MYO10: variants seen among roughly 807,000 people sequenced by gnomAD.
The protein encoded by MYO10 is myosin X.
MYO10 carries 133 observed loss-of-function variants against 257.3 expected under a neutral mutation model. That is an observed-to-expected ratio of 0.52 (90% CI 0.45 to 0.60). The LOEUF (loss-of-function observed/expected upper bound fraction) is 0.60, where lower values mean the gene tolerates loss of function less well. Ranked by LOEUF, MYO10 falls within the 20% of genes least tolerant of loss-of-function variation. MYO10 has a pLI of 0.00. For synonymous variants in MYO10, 1,104 were observed against 1,028.6 expected (o/e 1.07, Z -1.40); for missense variants, 2,399 against 2,635.7 (o/e 0.91, Z 1.97).
At chr5:16,740,925 C>A (rs899399763) in intron 19 of MYO10, among the ~76,000 whole-genome samples, 80 of 151,150 alleles carry the variant, frequency 5.3e-4, no homozygotes, top group African/African-American at 1.7e-3. Flanking sequence ...TTGGTTTTCG[C>A]TTAGCACCAG....
intron 4 of MYO10, among the ~76,000 whole-genome samples, chr5:16,792,058 G>A (rs1741774061): frequency 6.6e-6 from 1 of 151,424 alleles, no homozygotes; most frequent in African/African-American, 2.4e-5. Flanking sequence ...TAGGTAACGA[G>A]AAGACAGTAC....
chr5:16,714,225 C>A (rs1476386610), intron 19 of MYO10, among the ~76,000 whole-genome samples: 2 of 151,384 alleles, frequency 1.3e-5, no homozygotes, highest in Non-Finnish European at 2.9e-5. Context: ...ACTGAGGGGG[C>A]ATGGGAAGTG....
intron 21 of MYO10, among the ~76,000 whole-genome samples, chr5:16,705,127 A>C (rs1290099648): frequency 6.6e-6 from 1 of 152,238 alleles, no homozygotes; most frequent in Non-Finnish European, 1.5e-5. Flanking sequence ...GAAGCCAAGA[A>C]ATTTCTAAAA....
intron 2 of MYO10, among the ~76,000 whole-genome samples, chr5:16,819,062 A>G (rs967655679): frequency 1.3e-5 from 2 of 152,180 alleles, no homozygotes; most frequent in African/African-American, 4.8e-5. Flanking sequence ...AATAGTCTAT[A>G]TATCTTTTCA....
At chr5:16,684,306 G>C (rs748826633) in intron 29 of MYO10, among the ~76,000 whole-genome samples, 4 of 152,144 alleles carry the variant, frequency 2.6e-5, no homozygotes, top group Non-Finnish European at 4.4e-5. Context: ...GCAATGGTGT[G>C]ATCTCAGCTC....
intron 19 of MYO10, among the ~76,000 whole-genome samples, chr5:16,751,751 G>GT (rs1740383446): frequency 6.6e-6 from 1 of 151,490 alleles, no homozygotes; most frequent in African/African-American, 2.4e-5. Flanking sequence ...GATTACAGGC[G>GT]TGAGCCACCG....
intron 34 of MYO10, 113 bp downstream of exon 34, chr5:16,675,918 A>G: frequency 7.8e-7 from 1 of 1,285,244 alleles, no homozygotes; most frequent in Non-Finnish European, 1.1e-6. Flanking sequence ...CCAATTCACG[A>G]CGAATAAGAG....
At chr5:16,681,815 T>C (rs1020914797) in intron 31 of MYO10, 56 bp downstream of exon 31, 17 of 1,567,428 alleles carry the variant, frequency 1.1e-5, no homozygotes, top group Admixed American at 1.9e-5. Flanking sequence ...GATGTCTATA[T>C]GCAAATGGAA....
chr5:16,758,302 T>A lies in MYO10; in HGVS notation c.1740-76A>T, dbSNP rs1202368268. 17 of 1,009,280 alleles carry A rather than the reference T, an allele frequency of 1.7e-5. No homozygotes were observed. In the East Asian group the frequency reaches 3.6e-4, roughly 21 times the overall value. The allele number at this position is 1,009,280 out of a possible 1,614,324, so 62.5% of individuals were successfully genotyped here. On this transcript the variant is annotated intron_variant, in intron 17 of 40. Transcript: ENST00000513610. ...GGTGCAAGATTATTGTAATTAATGG[T>A]GCCCTTTCTCAATGATAATTCAAAG...
rs1737872155 is a variant in MYO10, at chr5:16,698,622, A to ATTTTTTT, written c.3556+827_3556+828insAAAAAAA. Among the ~76,000 whole-genome samples, 6 of 91,776 alleles carry ATTTTTTT rather than the reference A, an allele frequency of 6.5e-5. 1 individual carries two copies. Among genetic ancestry groups the ATTTTTTT allele is most frequent in the African/African-American group, 1.6e-4 (3 of 18,524 alleles). The allele number at this position is 91,776 out of a possible 152,430, so 60.2% of individuals were successfully genotyped here. Reference sequence around the variant, plus strand: ...ATATCCCTGGCAGGAGAGAACATGCAGTTTTTTTTTTTTTTTTTTGAGACA... The same window carrying ATTTTTTT: ...ATATCCCTGGCAGGAGAGAACATGCATTTTTTTGTTTTTTTTTTTTTTTTTTGAGACA... On this transcript the variant is annotated intron_variant, in intron 26 of 40. Coordinates refer to ENST00000513610, the MANE Select transcript of MYO10 (RefSeq NM_012334.3).
Position 16,681,638 on chromosome 5 carries a change from C to G in MYO10, c.4190-135G>C. 5.5e-6 allele frequency: 6 copies of G among 1,095,160 alleles called. No individual in the cohort carries two copies. In the South Asian group the frequency reaches 9.6e-5, roughly 18 times the overall value. The allele number at this position is 1,095,160 out of a possible 1,614,324, so 67.8% of individuals were successfully genotyped here. A position where few individuals can be genotyped will look rare whatever the true frequency, so the allele number is the denominator to read the frequency against. Reference sequence around the variant, plus strand: ...AGAAAAAGACCACGAACACCCCAACCCGATGTAAATGGAACGACTACATGA... The same window carrying G: ...AGAAAAAGACCACGAACACCCCAACGCGATGTAAATGGAACGACTACATGA... On this transcript the variant is annotated intron_variant, in intron 31 of 40. Transcript: ENST00000513610.
chr5:16,731,986 G>A (rs1346148284), intron 19 of MYO10, among the ~76,000 whole-genome samples: 1 of 152,158 alleles, frequency 6.6e-6, no homozygotes, highest in South Asian at 2.1e-4. Flanking sequence ...TTCTGAAGGG[G>A]GTTCATGGAG....
At chr5:16,782,102 G>A (rs950480925) in intron 5 of MYO10, among the ~76,000 whole-genome samples, 5 of 152,158 alleles carry the variant, frequency 3.3e-5, no homozygotes, top group Admixed American at 2.6e-4. Context: ...GCACCAGTGA[G>A]TGTGGCCTTA....
At chr5:16,877,465 A>C in intron 2 of MYO10, 144 bp downstream of exon 2, 1 of 632,680 alleles carries the variant, frequency 1.6e-6, no homozygotes, top group Non-Finnish European at 2.8e-6. Context: ...TACATTCTAC[A>C]TTCCCACTGG....
Position 16,679,865 on chromosome 5 carries a change from C to T in MYO10, c.4542+82G>A. ...TGATTACAGAAAAAAAACTGAGCTTCACTAATGCTGAGGTCTTGGTGCTCT... is the reference window on the plus strand; with the variant it reads ...TGATTACAGAAAAAAAACTGAGCTTTACTAATGCTGAGGTCTTGGTGCTCT... On this transcript the variant is annotated intron_variant, in intron 33 of 40. Transcript: ENST00000513610. The T allele has an allele frequency of 2.0e-6, 3 of 1,505,844 alleles. No homozygotes were observed. In the East Asian group the frequency reaches 7.0e-5, roughly 35 times the overall value. 93.3% of individuals were successfully genotyped at this position (1,505,844 alleles called of 1,614,324 possible).
intron 33 of MYO10, among the ~76,000 whole-genome samples, chr5:16,678,805 C>T (rs1230793734): frequency 1.3e-5 from 2 of 152,206 alleles, no homozygotes; most frequent in Non-Finnish European, 2.9e-5. Context: ...ACCTGCCTCA[C>T]CATCATTCTA....
chr5:16,678,894 C>G (rs1358249933), intron 33 of MYO10, among the ~76,000 whole-genome samples: 1 of 152,188 alleles, frequency 6.6e-6, no homozygotes, highest in African/African-American at 2.4e-5. Context: ...GGCCAGCAGT[C>G]TCCCTTGACT....
At chr5:16,850,631 A>G (rs1437874545) in intron 2 of MYO10, among the ~76,000 whole-genome samples, 1 of 151,916 alleles carries the variant, frequency 6.6e-6, no homozygotes, top group Admixed American at 6.6e-5. Flanking sequence ...TCAGTTAAAT[A>G]GTATATGACT....
At chr5:16,816,142 A>G (rs1013208254) in intron 3 of MYO10, among the ~76,000 whole-genome samples, 2 of 151,768 alleles carry the variant, frequency 1.3e-5, no homozygotes, top group African/African-American at 4.8e-5. Context: ...GGAGATCGAG[A>G]CCATCCTGAC....
Sources: gnomAD v4.1 joint callset for allele counts (sites outside exome capture counted in the v4.1 genomes callset) on GRCh38, gnomAD v4.1.1 for gene constraint, MANE v1.5 for transcripts, NCBI Gene and HGNC (gene_info 2026-07-23, HGNC 2026-07-21) for gene names.